Variants in ITGB5 observed in about 807,000 individuals in gnomAD.
ITGB5 encodes integrin subunit beta 5, also known as integrin beta-5.
ITGB5 carries 38 observed loss-of-function variants against 84.8 expected under a neutral mutation model. The observed-to-expected ratio is 0.45, with a 90% CI of 0.35 to 0.59. The LOEUF (loss-of-function observed/expected upper bound fraction) is 0.59, where lower values mean the gene tolerates loss of function less well. Ranked by LOEUF, ITGB5 falls within the 20% of genes least tolerant of loss-of-function variation. The pLI is 0.01. For missense variants in ITGB5, 905 were observed against 1,034.5 expected, an observed-to-expected ratio of 0.87 and a Z score of 1.72; for synonymous variants, 393 against 414.4, an observed-to-expected ratio of 0.95 and a Z score of 0.63.
intron 1 of ITGB5, among the ~76,000 whole-genome samples, chr3:124,875,094 G>C (rs896368726): frequency 1.3e-5 from 2 of 152,150 alleles, no homozygotes; most frequent in African/African-American, 4.8e-5. Context: ...GAGAATATTT[G>C]CAAACCACAC....
chr3:124,878,694 T>A (rs1159518539), intron 1 of ITGB5: 2 of 152,196 alleles, frequency 1.3e-5, no homozygotes, highest in East Asian at 3.8e-4. Flanking sequence ...TGTGCTGGTA[T>A]GTGTAATGTC....
At chr3:124,881,455 A>G (rs1486917758) in intron 1 of ITGB5, among the ~76,000 whole-genome samples, 1 of 152,120 alleles carries the variant, frequency 6.6e-6, no homozygotes, top group African/African-American at 2.4e-5. Flanking sequence ...TCTCTAATGG[A>G]ATGGGCCATG....
intron 12 of ITGB5, among the ~76,000 whole-genome samples, chr3:124,768,228 G>A (rs960344120): frequency 1.3e-5 from 2 of 152,284 alleles, no homozygotes; most frequent in African/African-American, 4.8e-5. Flanking sequence ...GCCTGCCAGT[G>A]AGGGGAGCCT....
chr3:124,768,994 G>A lies in ITGB5; in HGVS notation c.2017+19C>T. 6.3e-7 allele frequency: 1 copy of A among 1,590,196 alleles called. No individual in the cohort carries two copies. The highest frequency in any genetic ancestry group is 1.1e-5 in the South Asian group (1 of 90,166). Reference sequence around the variant, plus strand: ...AAGGAGAAAAACCGTGACTGCCCGGGTGGTGGCAGCACACTCACCGATGGT... The same window carrying A: ...AAGGAGAAAAACCGTGACTGCCCGGATGGTGGCAGCACACTCACCGATGGT... On this transcript the variant is annotated intron_variant, in intron 12 of 14. Coordinates refer to ENST00000296181, the MANE Select transcript of ITGB5 (RefSeq NM_002213.5).
At chr3:124,772,132 G>A (rs964237451) in intron 11 of ITGB5, among the ~76,000 whole-genome samples, 13 of 152,212 alleles carry the variant, frequency 8.5e-5, no homozygotes, top group Non-Finnish European at 1.3e-4. Flanking sequence ...ACTCTGTGCT[G>A]GGATGGCCAC....
At chr3:124,825,022 C>T (rs2064764265) in intron 5 of ITGB5, among the ~76,000 whole-genome samples, 1 of 152,048 alleles carries the variant, frequency 6.6e-6, no homozygotes, top group South Asian at 2.1e-4. Flanking sequence ...CACGGTGAAA[C>T]CCCGTCTCTA....
At chr3:124,893,719 A>G (rs1470583090) in intron 1 of ITGB5, among the ~76,000 whole-genome samples, 2 of 152,136 alleles carry the variant, frequency 1.3e-5, no homozygotes, top group Non-Finnish European at 2.9e-5. Flanking sequence ...GATCTCAGTA[A>G]TTTTTGTTTG....
chr3:124,834,813 C>T (rs953455309), intron 5 of ITGB5, among the ~76,000 whole-genome samples: 3 of 152,172 alleles, frequency 2.0e-5, no homozygotes, highest in Admixed American at 6.5e-5. Flanking sequence ...GTCAGAGTAA[C>T]GCACTCCAGG....
chr3:124,816,795 AG>A (rs1490761045), intron 8 of ITGB5, among the ~76,000 whole-genome samples: 1 of 152,248 alleles, frequency 6.6e-6, no homozygotes, highest in Non-Finnish European at 1.5e-5. Flanking sequence ...CACCTCTATA[AG>A]AACTTACACT....
chr3:124,824,980 C>T (rs143644448), intron 5 of ITGB5, among the ~76,000 whole-genome samples: 2,269 of 152,188 alleles, frequency 0.015, 37 homozygotes, highest in South Asian at 0.045. Flanking sequence ...GGGTGGATCA[C>T]GAGGTCAGAA....
chr3:124,819,905 C>A, intron 6 of ITGB5, 71 bp from the exon 7 acceptor site: 1 of 1,103,880 alleles, frequency 9.1e-7, no homozygotes, highest in South Asian at 1.2e-5. Flanking sequence ...GGCTCCAATG[C>A]ACAGTCAGCA....
chr3:124,809,109 A>G lies in ITGB5; in HGVS notation c.1176T>C (p.Asp392=), dbSNP rs753470914. 6 of 1,614,094 alleles carry G rather than the reference A, an allele frequency of 3.7e-6. No homozygotes were observed. In the Admixed American group the frequency reaches 1.0e-4, roughly 27 times the overall value. ...VELSVWDQPE[D]LNLFFTATCQ... is the part of the protein sequence containing the mutation. ...AGGTAGCAGTAAAGAAGAGATTAAGATCCTCAGGCTGATCCCAGACTGACA... is the reference window on the plus strand; with the variant it reads ...AGGTAGCAGTAAAGAAGAGATTAAGGTCCTCAGGCTGATCCCAGACTGACA... Residue 392 remains aspartate (D), a synonymous_variant, in exon 9 of 15, where the codon GAT becomes GAC. Transcript: ENST00000296181.
intron 5 of ITGB5, among the ~76,000 whole-genome samples, chr3:124,828,486 A>G (rs2064815700): frequency 6.6e-6 from 1 of 152,232 alleles, no homozygotes; most frequent in African/African-American, 2.4e-5. Context: ...GACAGAAAGC[A>G]AATTCATTGC....
At chr3:124,782,521 G>A (rs2064019359) in intron 10 of ITGB5, among the ~76,000 whole-genome samples, 1 of 152,236 alleles carries the variant, frequency 6.6e-6, no homozygotes, top group Non-Finnish European at 1.5e-5. Context: ...GACTGAGAGG[G>A]AGTCAGTGAA....
Position 124,766,172 on chromosome 3 carries a change from A to C in ITGB5, c.2137+54T>G, listed in dbSNP as rs72970794. 359 of 1,574,726 alleles carry C rather than the reference A, an allele frequency of 2.3e-4. No homozygotes were observed. The African/African-American group carries it at 4.6e-3, about 20-fold the overall frequency. On this transcript the variant is annotated intron_variant, in intron 13 of 14. Coordinates refer to ENST00000296181, the MANE Select transcript of ITGB5 (RefSeq NM_002213.5). ...GTCCCAGAGCAGAGAATGGCATCAGAAATCAGAACTGAGGGCTGGCTGAGT... is the reference window on the plus strand; with the variant it reads ...GTCCCAGAGCAGAGAATGGCATCAGCAATCAGAACTGAGGGCTGGCTGAGT...
intron 10 of ITGB5, chr3:124,791,682 G>T (rs1393403597): frequency 1.3e-5 from 2 of 152,294 alleles, no homozygotes; most frequent in East Asian, 3.8e-4. Flanking sequence ...GGGAAGAGGG[G>T]GTGTAAAGCT....
intron 10 of ITGB5, among the ~76,000 whole-genome samples, chr3:124,786,355 A>T (rs1459727765): frequency 6.6e-6 from 1 of 151,538 alleles, no homozygotes; most frequent in Non-Finnish European, 1.5e-5. Context: ...TAGGCTACTG[A>T]GTGTACCACT....
chr3:124,806,424 A>ATTTTTT (rs71145488), intron 9 of ITGB5, among the ~76,000 whole-genome samples: 1 of 72,774 alleles, frequency 1.4e-5, no homozygotes, highest in Admixed American at 1.8e-4. Flanking sequence ...GCCTCATTCC[A>ATTTTTT]TTTTTTTTTT....
intron 2 of ITGB5, among the ~76,000 whole-genome samples, chr3:124,860,048 G>C (rs848798): frequency 0.18 from 27,490 of 152,090 alleles, 2,636 homozygotes; most frequent in Admixed American, 0.21. Flanking sequence ...TCTTTCACAG[G>C]CATTGGATGC....
Sources: allele counts gnomAD v4.1 joint callset (sites outside exome capture counted in the v4.1 genomes callset), GRCh38; gene constraint gnomAD v4.1.1; transcripts MANE v1.5; gene names NCBI Gene and HGNC (gene_info 2026-07-23, HGNC 2026-07-21).